The following SLC35D2 variants were observed in gnomAD, a reference collection of about 807,000 sequenced individuals.
The protein encoded by SLC35D2 is solute carrier family 35 member D2.
A neutral mutation model predicts 41.8 loss-of-function variants in SLC35D2; 43 were observed. The observed-to-expected ratio is 1.03, with a 90% CI of 0.81 to 1.33. SLC35D2 has a LOEUF of 1.33. SLC35D2 is among the 40% of genes most tolerant of loss of function. The pLI, the probability that SLC35D2 is intolerant of heterozygous loss-of-function variation, is 0.00. For synonymous variants in SLC35D2, 150 were observed against 163.9 expected (o/e 0.92, Z 0.65); for missense variants, 380 against 408.4 (o/e 0.93, Z 0.60).
chr9:96,340,619 CAAAAAAAAAA>C (rs57501812), intron 8 of SLC35D2, among the ~76,000 whole-genome samples: 12 of 35,368 alleles, frequency 3.4e-4, no homozygotes, highest in South Asian at 4.7e-3. Context: ...GACTCCATCT[CAAAAAAAAAA>C]AAAAAAAAAA....
intron 9 of SLC35D2, among the ~76,000 whole-genome samples, chr9:96,333,368 GGGTGGACCACGA>G (rs1828896559): frequency 2.0e-5 from 3 of 151,324 alleles, no homozygotes; most frequent in Middle Eastern, 3.4e-3. Flanking sequence ...AGGCTGAGGC[GGGTGGACCACGA>G]GGTCAGGAGA....
chr9:96,366,498 A>C (rs1830478657), intron 2 of SLC35D2, among the ~76,000 whole-genome samples: 1 of 151,166 alleles, frequency 6.6e-6, no homozygotes, highest in African/African-American at 2.4e-5. Flanking sequence ...TAGAGACTAC[A>C]AAGGACACCT....
chr9:96,370,696 TAAC>T (rs1830642323), intron 1 of SLC35D2, among the ~76,000 whole-genome samples: 1 of 151,294 alleles, frequency 6.6e-6, no homozygotes, highest in Non-Finnish European at 1.5e-5. Flanking sequence ...AATAGTAAAA[TAAC>T]AACAAAAAGG....
chr9:96,368,841 T>C (rs1830574410), intron 1 of SLC35D2, among the ~76,000 whole-genome samples: 1 of 151,926 alleles, frequency 6.6e-6, no homozygotes, highest in African/African-American at 2.4e-5. Flanking sequence ...CTCAGCTCAC[T>C]GCAACCTCCA....
At position 96,321,315 on chromosome 9, in the gene SLC35D2, A is replaced by G; in HGVS notation, c.941T>C (p.Phe314Ser). The change falls in exon 12 of 12, where the codon TTT (phenylalanine) becomes TCT (serine). Residue 314 changes from phenylalanine to serine, a missense_variant. By Grantham distance (155) the Phe-to-Ser change is radical (BLOSUM62 -2). Transcript: ENST00000253270. ...TTTTAACTGGCTGCTCAGTGTTAAA[A>G]AGGAATATCTCAAGCCCCCTGCCAT... ...ICMAGGLRYSFLTLSSQLKPK... is the reference protein window; with the variant it reads ...ICMAGGLRYSSLTLSSQLKPK... The G allele has an allele frequency of 6.2e-7, 1 of 1,614,076 alleles. No individual in the cohort carries two copies. The highest frequency in any genetic ancestry group is 8.5e-7 in the Non-Finnish European group (1 of 1,179,928).
chr9:96,338,087 A>G (rs887436658), intron 8 of SLC35D2, among the ~76,000 whole-genome samples: 3 of 151,452 alleles, frequency 2.0e-5, no homozygotes, highest in African/African-American at 7.3e-5. Flanking sequence ...GACAATAAGG[A>G]GTATTTTATT....
At chr9:96,346,879 G>A (rs890204438) in intron 6 of SLC35D2, among the ~76,000 whole-genome samples, 3 of 151,432 alleles carry the variant, frequency 2.0e-5, no homozygotes, top group Non-Finnish European at 4.4e-5. Flanking sequence ...GCTCCTGCCT[G>A]TAATCCCAGC....
chr9:96,345,961 T>C (rs550912560), intron 6 of SLC35D2, among the ~76,000 whole-genome samples: 1 of 152,348 alleles, frequency 6.6e-6, no homozygotes, highest in African/African-American at 2.4e-5. Context: ...TTCTCTTCCA[T>C]TTCCATTATA....
intron 2 of SLC35D2, among the ~76,000 whole-genome samples, chr9:96,365,546 G>A (rs1830442574): frequency 6.6e-6 from 1 of 151,984 alleles, no homozygotes; most frequent in African/African-American, 2.4e-5. Flanking sequence ...TAAGCATATG[G>A]CATCCTCCCC....
Position 96,359,953 on chromosome 9 carries a change from T to A in SLC35D2, c.347+201A>T, listed in dbSNP as rs183982687. On this transcript the variant is annotated intron_variant, in intron 4 of 11. Transcript: ENST00000253270. ...TCTATGTTCAGGCTTGAATATAATT[T>A]AAAAAAATAAGCTTTTTAACATTCC... 4.3e-3 allele frequency among the ~76,000 whole-genome samples: 660 copies of A among 152,316 alleles called. 5 individuals carry two copies. The highest frequency in any genetic ancestry group is 0.015 in the African/African-American group (634 of 41,570).
chr9:96,350,045 G>C (rs962103491), intron 6 of SLC35D2, among the ~76,000 whole-genome samples: 2 of 152,298 alleles, frequency 1.3e-5, no homozygotes, highest in African/African-American at 4.8e-5. Context: ...TGAGACCCCA[G>C]AGCCAGCTTT....
At chr9:96,315,207 C>T (rs1397720814) in intron 11 of SLC35D2, among the ~76,000 whole-genome samples, 1 of 152,032 alleles carries the variant, frequency 6.6e-6, no homozygotes, top group Non-Finnish European at 1.5e-5. Flanking sequence ...GCAGCCTCAA[C>T]CTCCCAAGGT....
chr9:96,337,938 C>T (rs1234671147), intron 8 of SLC35D2, among the ~76,000 whole-genome samples: 3 of 145,754 alleles, frequency 2.1e-5, no homozygotes, highest in African/African-American at 5.1e-5. Flanking sequence ...GCCGAGGTCA[C>T]GCCATTGCAC....
intron 2 of SLC35D2, among the ~76,000 whole-genome samples, chr9:96,367,930 A>G (rs1830541469): frequency 6.6e-6 from 1 of 152,184 alleles, no homozygotes; most frequent in African/African-American, 2.4e-5. Flanking sequence ...TTTGAGTGGG[A>G]CAAGTATTCT....
At chr9:96,318,249 T>A (rs1312524937), downstream of SLC35D2, among the ~76,000 whole-genome samples, 1 of 151,988 alleles carries the variant, frequency 6.6e-6, no homozygotes, top group East Asian at 1.9e-4. Context: ...CACTTGAACT[T>A]GGGAGTTCGA....
intron 8 of SLC35D2, among the ~76,000 whole-genome samples, chr9:96,339,141 C>T (rs1042848201): frequency 6.6e-6 from 1 of 152,030 alleles, no homozygotes; most frequent in East Asian, 1.9e-4. Context: ...GATGGAGTCT[C>T]GCCCTGTCGC....
In SLC35D2 at chr9:96,356,244, G is replaced by A. The variant is rs537805001; in HGVS notation, c.347+3910C>T. Among the ~76,000 whole-genome samples, 25 of 152,344 alleles carry A rather than the reference G, an allele frequency of 1.6e-4. No individual in the cohort carries two copies. In the South Asian group the frequency reaches 5.0e-3, roughly 30 times the overall value. On this transcript the variant is annotated intron_variant, in intron 4 of 11. Transcript: ENST00000253270. ...ATGCTGGCGCCATGCTTCTTGCACA[G>A]CCTGCAGAACTGTGAAGCACACGAA...
intron 4 of SLC35D2, chr9:96,357,630 A>G (rs1830081125): frequency 6.6e-6 from 1 of 152,246 alleles, no homozygotes; most frequent in Non-Finnish European, 1.5e-5. Context: ...ACATTCTTAG[A>G]AGAAAGTATA....
At chr9:96,367,760 C>T (rs982736361) in intron 2 of SLC35D2, among the ~76,000 whole-genome samples, 28 of 150,062 alleles carry the variant, frequency 1.9e-4, no homozygotes, top group African/African-American at 5.6e-4. Flanking sequence ...CCAGTCTGGG[C>T]GACAAGAACA....
Sources: gnomAD v4.1 joint callset for allele counts (sites outside exome capture counted in the v4.1 genomes callset) on GRCh38, gnomAD v4.1.1 for gene constraint, MANE v1.5 for transcripts, NCBI Gene and HGNC (gene_info 2026-07-23, HGNC 2026-07-21) for gene names.